Variants in CPAMD8 observed in about 807,000 individuals in gnomAD.
The protein encoded by CPAMD8 is C3 and PZP like alpha-2-macroglobulin domain containing 8.
A neutral mutation model predicts 224.7 loss-of-function variants in CPAMD8; 146 were observed. That is an observed-to-expected ratio of 0.65 (90% CI 0.57 to 0.75). CPAMD8 has a LOEUF of 0.75. CPAMD8 is among the 30% of genes least tolerant of loss of function. The pLI, the probability that CPAMD8 is intolerant of heterozygous loss-of-function variation, is 0.00. For missense variants in CPAMD8, 2,301 were observed against 2,537.5 expected (o/e 0.91, Z 2.00); for synonymous variants, 966 against 1,044.6 (o/e 0.92, Z 1.45).
chr19:17,002,885 T>C (rs2123050301), intron 8 of CPAMD8, among the ~76,000 whole-genome samples: 1 of 150,496 alleles, frequency 6.6e-6, no homozygotes, highest in East Asian at 2.0e-4. Flanking sequence ...ATCTTTTCGT[T>C]CTTTCTTTTC....
intron 12 of CPAMD8, 143 bp downstream of exon 12, chr19:16,993,273 A>C (rs2056016006): frequency 3.1e-6 from 2 of 646,756 alleles, no homozygotes; most frequent in African/African-American, 3.7e-5. Context: ...TGTGTTGTCC[A>C]TCCCACTGTC....
intron 11 of CPAMD8, among the ~76,000 whole-genome samples, chr19:16,996,058 G>A (rs989712725): frequency 6.6e-6 from 1 of 152,202 alleles, no homozygotes; most frequent in Admixed American, 6.5e-5. Flanking sequence ...GCTGAGGCAG[G>A]AGAATCACTT....
intron 3 of CPAMD8, among the ~76,000 whole-genome samples, chr19:17,016,351 C>G (rs141084625): frequency 2.6e-5 from 4 of 152,326 alleles, no homozygotes; most frequent in African/African-American, 4.8e-5. Flanking sequence ...CTTTGTTAGT[C>G]TCTCTTACAA....
intron 14 of CPAMD8, among the ~76,000 whole-genome samples, chr19:16,979,440 A>ATCCG (rs1555782785): frequency 4.5e-4 from 65 of 145,474 alleles, no homozygotes; most frequent in African/African-American, 1.7e-3. Context: ...CCATCCATCC[A>ATCCG]TCTATCAATC....
At chr19:16,919,282 C>T (rs185413814) in intron 27 of CPAMD8, among the ~76,000 whole-genome samples, 47 of 152,126 alleles carry the variant, frequency 3.1e-4, no homozygotes, top group South Asian at 4.2e-4. Context: ...TAACAAAAGG[C>T]GCTATGGCAT....
At chr19:17,014,148 C>T (rs1228262910) in intron 3 of CPAMD8, among the ~76,000 whole-genome samples, 1 of 152,162 alleles carries the variant, frequency 6.6e-6, no homozygotes, top group African/African-American at 2.4e-5. Context: ...AACTCCTGGG[C>T]TCATGCGATC....
rs770629728 is a variant in CPAMD8 at position 16,929,135 on chromosome 19, C to A, written c.2951G>T (p.Arg984Leu). 1 of 1,614,040 alleles carries A rather than the reference C, an allele frequency of 6.2e-7. No homozygotes were observed. The highest frequency in any genetic ancestry group is 1.7e-5 in the Admixed American group (1 of 60,024). ...CTGGGGCCCAGAAGACAAGGCCACA[C>A]GGGCATCATTGTGAGCTCGCACAGC... ...DVAVRAHNDA[R>L]VALSSGPQDT... The change falls in exon 24 of 42, where the codon CGT becomes CTT. Residue 984 changes from arginine to leucine, a missense_variant. Transcript: ENST00000443236.
intron 29 of CPAMD8, 124 bp from the exon 30 acceptor site, chr19:16,907,241 C>G (rs1452665901): frequency 8.2e-7 from 1 of 1,220,432 alleles, no homozygotes; most frequent in Non-Finnish European, 1.0e-6. Context: ...GCTTTGCATC[C>G]TTCTGTGGCT....
In CPAMD8 at chr19:16,902,900, G is replaced by T. The variant is rs185559542; in HGVS notation, c.4471-37C>A. 3,878 of 1,404,336 alleles carry T rather than the reference G, an allele frequency of 2.8e-3. 12 individuals are homozygous for T. Among genetic ancestry groups the T allele is most frequent in the Non-Finnish European group, 3.4e-3 (3,566 of 1,035,192 alleles). 87.0% of individuals were successfully genotyped at this position (1,404,336 alleles called of 1,614,324 possible). A position where few individuals can be genotyped will look rare whatever the true frequency, so the allele number is the denominator to read the frequency against. Reference sequence around the variant, plus strand: ...TGGAGGATGGAGGCTTAGGGACCTGGGCCCTCCATAACAGGTGCAGGGTAG... The same window carrying T: ...TGGAGGATGGAGGCTTAGGGACCTGTGCCCTCCATAACAGGTGCAGGGTAG... On this transcript the variant is annotated intron_variant, in intron 34 of 41. Transcript: ENST00000443236.
intron 29 of CPAMD8, chr19:16,910,399 A>G (rs1599678645): frequency 6.8e-6 from 1 of 147,890 alleles, no homozygotes; most frequent in South Asian, 2.2e-4. Context: ...CGAACTCCCA[A>G]CCTCAGGTGA....
chr19:16,911,093 G>C lies in CPAMD8; in HGVS notation c.3861+3331C>G, dbSNP rs183394250. Among the ~76,000 whole-genome samples the C allele has an allele frequency of 5.9e-5, 9 of 152,312 alleles. No homozygotes were observed. The East Asian group carries it at 7.7e-4, about 13-fold the overall frequency. ...AGACAGCAGGTTTTGCCTCCTTTGGGGAACGATCTAAGACAGGGGTCCCCA... is the reference window on the plus strand; with the variant it reads ...AGACAGCAGGTTTTGCCTCCTTTGGCGAACGATCTAAGACAGGGGTCCCCA... On this transcript the variant is annotated intron_variant, in intron 29 of 41. Transcript: ENST00000443236.
chr19:16,963,497 C>G (rs556639813), intron 18 of CPAMD8, among the ~76,000 whole-genome samples: 1 of 152,306 alleles, frequency 6.6e-6, no homozygotes, highest in African/African-American at 2.4e-5. Context: ...AGCTAACTAT[C>G]CTAAATGTAT....
chr19:16,938,281 G>A lies in CPAMD8; in HGVS notation c.2845+114C>T, dbSNP rs2053764635. The A allele has an allele frequency of 5.3e-6, 3 of 564,276 alleles. No individual in the cohort carries two copies. In the South Asian group the frequency reaches 7.7e-5, roughly 14 times the overall value. The allele number at this position is 564,276 out of a possible 1,614,324, so 35.0% of individuals were successfully genotyped here. On this transcript the variant is annotated intron_variant, in intron 23 of 41. Coordinates refer to ENST00000443236, the MANE Select transcript of CPAMD8 (RefSeq NM_015692.5). ...CACAGTGCCCCCTTCCCAGGGGAAGGGCAGGTGCTCACTTTGCAGCGGGAC... is the reference window on the plus strand; with the variant it reads ...CACAGTGCCCCCTTCCCAGGGGAAGAGCAGGTGCTCACTTTGCAGCGGGAC...
intron 41 of CPAMD8, chr19:16,893,604 A>G: frequency 2.6e-6 from 1 of 387,018 alleles, no homozygotes; most frequent in Non-Finnish European, 4.6e-6. Flanking sequence ...GGGGTCACAA[A>G]GGGGAATCAA....
At chr19:16,998,073 A>G (rs1467125265) in intron 10 of CPAMD8, among the ~76,000 whole-genome samples, 1 of 152,234 alleles carries the variant, frequency 6.6e-6, no homozygotes, top group African/African-American at 2.4e-5. Context: ...GTAGCCTCCC[A>G]GGAGAATGGC....
At chr19:16,935,693 A>C (rs2053662991) in intron 23 of CPAMD8, among the ~76,000 whole-genome samples, 1 of 152,174 alleles carries the variant, frequency 6.6e-6, no homozygotes, top group Admixed American at 6.5e-5. Flanking sequence ...ACTACAAATA[A>C]AGCTAATATG....
At position 16,893,207 on chromosome 19, in the gene CPAMD8, G is replaced by A. The variant is rs1207060630; in HGVS notation, c.5559C>T (p.His1853=). The change falls in exon 42 of 42, where the codon CAC becomes CAT. Residue 1853 remains histidine, a synonymous_variant. Coordinates refer to ENST00000443236, the MANE Select transcript of CPAMD8 (RefSeq NM_015692.5). ...QRHSGRVVGA[H]RPGLLSPVFV... ...AGACAGGGCTCAGAAGCCCTGGCCT[G>A]TGGGCCCCCACCACCCGGCCACTAT... The A allele has an allele frequency of 4.4e-6, 7 of 1,594,994 alleles. No homozygotes were observed. Among genetic ancestry groups the A allele is most frequent in the South Asian group, 2.3e-5 (2 of 88,880 alleles).
At chr19:17,016,087 G>A (rs1599923181) in intron 3 of CPAMD8, among the ~76,000 whole-genome samples, 1 of 152,264 alleles carries the variant, frequency 6.6e-6, no homozygotes, top group South Asian at 2.1e-4. Flanking sequence ...GGGACTACAG[G>A]TGCAGGCCAC....
At chr19:16,903,481 T>C (rs2052342087) in intron 34 of CPAMD8, 80 bp downstream of exon 34, 1 of 1,593,750 alleles carries the variant, frequency 6.3e-7, no homozygotes, top group African/African-American at 1.3e-5. Flanking sequence ...TGGGGGTCCC[T>C]GGGGTTCCAC....
Sources: allele counts gnomAD v4.1 joint callset (sites outside exome capture counted in the v4.1 genomes callset), GRCh38; gene constraint gnomAD v4.1.1; transcripts MANE v1.5; gene names NCBI Gene and HGNC (gene_info 2026-07-23, HGNC 2026-07-21).